The following FGF12 variants were observed in gnomAD, a reference collection of about 807,000 sequenced individuals.
FGF12 encodes fibroblast growth factor 12.
FGF12 carries 14 observed loss-of-function variants against 23.6 expected under a neutral mutation model. That is an observed-to-expected ratio of 0.59 (90% CI 0.39 to 0.93). The LOEUF is 0.93. Ranked by LOEUF, FGF12 falls within the 40% of genes least tolerant of loss-of-function variation. The pLI, the probability that FGF12 is intolerant of heterozygous loss-of-function variation, is 0.00. For synonymous variants in FGF12, 62 were observed against 77.3 expected, an observed-to-expected ratio of 0.80 and a Z score of 1.04; for missense variants, 175 against 217.8, an observed-to-expected ratio of 0.80 and a Z score of 1.24.
At chr3:192,543,916 A>G (rs1439931828) in intron 2 of FGF12, among the ~76,000 whole-genome samples, 2 of 152,188 alleles carry the variant, frequency 1.3e-5, no homozygotes, top group Non-Finnish European at 2.9e-5. Flanking sequence ...ACTCTTCCCT[A>G]TCCTCTCCTA....
chr3:192,662,900 G>A (rs957837557), intron 2 of FGF12, among the ~76,000 whole-genome samples: 2 of 152,182 alleles, frequency 1.3e-5, no homozygotes, highest in South Asian at 2.1e-4. Flanking sequence ...ATCGTTGGGA[G>A]ACCTGGTTCT....
At chr3:192,653,438 A>G (rs1716284599) in intron 2 of FGF12, among the ~76,000 whole-genome samples, 1 of 152,114 alleles carries the variant, frequency 6.6e-6, no homozygotes, top group Admixed American at 6.6e-5. Flanking sequence ...GCCCATCAAA[A>G]TCTGTCAAAG....
At chr3:192,642,702 G>C (rs962040871) in intron 2 of FGF12, among the ~76,000 whole-genome samples, 1 of 152,206 alleles carries the variant, frequency 6.6e-6, no homozygotes, top group African/African-American at 2.4e-5. Context: ...ATTTCACATA[G>C]CTCCAATGGT....
intron 2 of FGF12, among the ~76,000 whole-genome samples, chr3:192,570,423 G>C: frequency 1.0e-5 from 1 of 96,564 alleles, no homozygotes; most frequent in Non-Finnish European, 2.2e-5. Context: ...TAATGATATT[G>C]CCAAAGAGAA....
At chr3:192,269,972 G>T (rs530627682) in intron 4 of FGF12, among the ~76,000 whole-genome samples, 3 of 152,096 alleles carry the variant, frequency 2.0e-5, no homozygotes, top group Non-Finnish European at 4.4e-5. Flanking sequence ...CAGGTTAGTG[G>T]CAAGGTGTTT....
At chr3:192,663,213 G>A (rs1716735818) in intron 2 of FGF12, among the ~76,000 whole-genome samples, 1 of 152,194 alleles carries the variant, frequency 6.6e-6, no homozygotes, top group African/African-American at 2.4e-5. Flanking sequence ...TCAGGCAGTT[G>A]TCTATAAAAT....
intron 2 of FGF12, among the ~76,000 whole-genome samples, chr3:192,504,424 C>G (rs565909382): frequency 6.6e-6 from 1 of 152,324 alleles, no homozygotes; most frequent in East Asian, 1.9e-4. Context: ...CTCTCACTTT[C>G]CACAGTTACT....
At chr3:192,355,955 T>G (rs1306593622) in intron 3 of FGF12, among the ~76,000 whole-genome samples, 1 of 152,212 alleles carries the variant, frequency 6.6e-6, no homozygotes, top group African/African-American at 2.4e-5. Context: ...TGTGAAATTG[T>G]CTATATTCAA....
chr3:192,536,844 G>A lies in FGF12; in HGVS notation c.14-176306C>T, dbSNP rs1007457859. 3.3e-5 allele frequency among the ~76,000 whole-genome samples: 5 copies of A among 151,642 alleles called. 1 individual carries two copies. The South Asian group carries it at 8.3e-4, about 25-fold the overall frequency. ...AGTTTTAGTTAATTTTAAATATATA[G>A]TAAATTATTGTTAACTTTAGTCTCC... On this transcript the variant is annotated intron_variant, in intron 2 of 5. Coordinates refer to ENST00000445105, the MANE Select transcript of FGF12 (RefSeq NM_004113.6).
chr3:192,632,357 A>G (rs1419966175), intron 2 of FGF12, among the ~76,000 whole-genome samples: 1 of 152,228 alleles, frequency 6.6e-6, no homozygotes, highest in East Asian at 1.9e-4. Flanking sequence ...AAAAAAAACC[A>G]CTGCCAGAAA....
chr3:192,380,339 AT>A (rs1719763061), intron 2 of FGF12, among the ~76,000 whole-genome samples: 1 of 152,182 alleles, frequency 6.6e-6, no homozygotes, highest in African/African-American at 2.4e-5. Flanking sequence ...TTGTGAGATA[AT>A]TTATGGTTGA....
chr3:192,217,964 G>A (rs1718279308), intron 4 of FGF12, among the ~76,000 whole-genome samples: 1 of 151,884 alleles, frequency 6.6e-6, no homozygotes, highest in South Asian at 2.1e-4. Flanking sequence ...ATCCTCCCGA[G>A]TAGCTGGGAT....
At chr3:192,306,633 G>A (rs1343353846) in intron 4 of FGF12, among the ~76,000 whole-genome samples, 1 of 152,168 alleles carries the variant, frequency 6.6e-6, no homozygotes, top group Non-Finnish European at 1.5e-5. Flanking sequence ...TCTCAACCCT[G>A]TATTGCTGAT....
At chr3:192,247,252 C>A (rs989559674) in intron 4 of FGF12, among the ~76,000 whole-genome samples, 15 of 152,136 alleles carry the variant, frequency 9.9e-5, no homozygotes, top group Non-Finnish European at 2.2e-4. Context: ...CCCAAATAGT[C>A]AACAAGCAGA....
At chr3:192,629,564 T>G (rs778957854) in intron 2 of FGF12, among the ~76,000 whole-genome samples, 9 of 152,228 alleles carry the variant, frequency 5.9e-5, no homozygotes, top group Middle Eastern at 3.2e-3. Flanking sequence ...CTGCTGGGGC[T>G]GAGTAAGCAA....
At chr3:192,716,095 G>GT (rs1718856923) in intron 2 of FGF12, among the ~76,000 whole-genome samples, 1 of 152,190 alleles carries the variant, frequency 6.6e-6, no homozygotes. Context: ...TCTACACCAG[G>GT]TTTTCTCAAA....
At chr3:192,212,786 T>TGG (rs35232167) in intron 4 of FGF12, among the ~76,000 whole-genome samples, 6,009 of 140,852 alleles carry the variant, frequency 0.043, 143 homozygotes, top group African/African-American at 0.076. Flanking sequence ...TTCACAAAAA[T>TGG]GGGGGGGGGG....
chr3:192,260,673 A>T (rs1016921885), intron 4 of FGF12, among the ~76,000 whole-genome samples: 3 of 152,144 alleles, frequency 2.0e-5, no homozygotes, highest in Non-Finnish European at 4.4e-5. Flanking sequence ...CTGTTATCAG[A>T]TTTCTCCAGA....
intron 2 of FGF12, among the ~76,000 whole-genome samples, chr3:192,616,683 A>G (rs75803813): frequency 0.04 from 6,024 of 152,046 alleles, 388 homozygotes; most frequent in African/African-American, 0.14. Context: ...GTAGTAAAGT[A>G]AGAGAGTTCT....
Sources: allele counts gnomAD v4.1 joint callset (sites outside exome capture counted in the v4.1 genomes callset), GRCh38; gene constraint gnomAD v4.1.1; transcripts MANE v1.5; gene names NCBI Gene and HGNC (gene_info 2026-07-23, HGNC 2026-07-21).